The following SFXN5 variants were observed in gnomAD, a reference collection of about 807,000 sequenced individuals.
SFXN5 encodes sideroflexin-5.
A neutral mutation model predicts 50.2 loss-of-function variants in SFXN5; 43 were observed. The ratio of observed to expected loss-of-function variants is 0.86; its 90% confidence interval spans 0.67 to 1.11. The LOEUF is 1.11. Ranked by LOEUF, SFXN5 falls within the 50% of genes least tolerant of loss-of-function variation. The pLI is 0.00. For synonymous variants in SFXN5, 203 were observed against 185.8 expected, an observed-to-expected ratio of 1.09 and a Z score of -0.75; for missense variants, 463 against 454.1, an observed-to-expected ratio of 1.02 and a Z score of -0.18.
intron 9 of SFXN5, among the ~76,000 whole-genome samples, chr2:72,995,400 C>A (rs1559133580): frequency 6.6e-6 from 1 of 152,236 alleles, no homozygotes; most frequent in Non-Finnish European, 1.5e-5. Flanking sequence ...GGCTGCTAAT[C>A]CCACCCTGGT....
intron 13 of SFXN5, among the ~76,000 whole-genome samples, chr2:72,959,301 G>A (rs1024644176): frequency 1.3e-5 from 2 of 151,886 alleles, no homozygotes; most frequent in South Asian, 4.1e-4. Flanking sequence ...CTGCTCCTCC[G>A]TGCTGTCACC....
At chr2:72,963,384 G>A (rs1673982639) in intron 12 of SFXN5, among the ~76,000 whole-genome samples, 1 of 152,188 alleles carries the variant, frequency 6.6e-6, no homozygotes, top group African/African-American at 2.4e-5. Context: ...CTCTCTCAGG[G>A]TGGCTGGCTG....
At chr2:73,051,868 C>T (rs190495577) in intron 2 of SFXN5, among the ~76,000 whole-genome samples, 2 of 152,222 alleles carry the variant, frequency 1.3e-5, no homozygotes, top group East Asian at 3.9e-4. Flanking sequence ...AGGCAAGAGA[C>T]CCTAGCAGCT....
At chr2:73,040,978 C>G in intron 2 of SFXN5, 47 bp from the exon 3 acceptor site, 1 of 1,566,362 alleles carries the variant, frequency 6.4e-7, no homozygotes, top group Non-Finnish European at 8.7e-7. Flanking sequence ...ATCCAGGGCT[C>G]CCGCAAATTT....
chr2:72,999,389 G>A lies in SFXN5; in HGVS notation c.469-375C>T, dbSNP rs116541923. ...AAGGGGGCCATTTGGCATCTGGAGC[G>A]CTTTCTAGGTGGAAATGCCAGTGTC... On this transcript the variant is annotated intron_variant, in intron 8 of 13. Transcript: ENST00000272433. 8.0e-3 allele frequency among the ~76,000 whole-genome samples: 1,223 copies of A among 152,094 alleles called. 13 individuals are homozygous for A. Among genetic ancestry groups the A allele is most frequent in the Middle Eastern group, 0.02 (6 of 294 alleles).
At chr2:73,071,247 G>A (rs566503204) in intron 1 of SFXN5, 4 of 244,318 alleles carry the variant, frequency 1.6e-5, no homozygotes, top group Admixed American at 5.8e-5. Flanking sequence ...CGTCCCGGGC[G>A]GGCAGCTGCA....
Position 72,943,638 on chromosome 2 carries a change from C to T in SFXN5, c.*1384G>A, listed in dbSNP as rs1446125258. The stretch of plus-strand genomic sequence containing the variant: ...TGGCCCCACCATCAGGCCCAGGCAT[C>T]TATGTTACCTCCTCCTCCAGAACTG... On this transcript the variant is annotated 3_prime_UTR_variant, in exon 14 of 14. Transcript: ENST00000272433. 1 of 152,804 alleles carries T rather than the reference C, an allele frequency of 6.5e-6. No individual in the cohort carries two copies. Among genetic ancestry groups the T allele is most frequent in the Non-Finnish European group, 1.5e-5 (1 of 68,148 alleles). The allele number at this position is 152,804 out of a possible 1,614,324, so 9.5% of individuals were successfully genotyped here. A position where few individuals can be genotyped will look rare whatever the true frequency, so the allele number is the denominator to read the frequency against.
At chr2:73,044,341 G>A (rs11677831) in intron 2 of SFXN5, among the ~76,000 whole-genome samples, 2,116 of 152,336 alleles carry the variant, frequency 0.014, 20 homozygotes, top group Non-Finnish European at 0.022. Context: ...GCTACAGGCT[G>A]GCCTTGGACC....
At chr2:73,059,536 A>C in intron 1 of SFXN5, 2 of 985,270 alleles carry the variant, frequency 2.0e-6, no homozygotes, top group South Asian at 4.7e-5. Flanking sequence ...TTCCCTTCCC[A>C]ATAAGGACCC....
chr2:73,028,633 C>A (rs969841833), intron 3 of SFXN5, among the ~76,000 whole-genome samples: 8 of 152,122 alleles, frequency 5.3e-5, no homozygotes, highest in African/African-American at 1.9e-4. Context: ...GTTTTTTGAA[C>A]AAGGGTCTTG....
At chr2:72,983,996 T>C (rs543693894) in intron 10 of SFXN5, among the ~76,000 whole-genome samples, 4 of 152,214 alleles carry the variant, frequency 2.6e-5, no homozygotes, top group Admixed American at 6.5e-5. Flanking sequence ...GCAGCAACCA[T>C]ACGTCAATTA....
rs111931045 is a variant in SFXN5 at position 72,992,002 on chromosome 2, G to C, written c.535-3654C>G. Reference sequence around the variant, plus strand: ...TTTGGTAGATGGGGAAAACAAACAGGGTGTGGATTTTGCACAAGAATTTCT... The same window carrying C: ...TTTGGTAGATGGGGAAAACAAACAGCGTGTGGATTTTGCACAAGAATTTCT... On this transcript the variant is annotated intron_variant, in intron 9 of 13. Transcript: ENST00000272433. This position sits in a 1 kb window ranked among gnomAD's most constrained non-coding sequence, Gnocchi z 4.5. Among the ~76,000 whole-genome samples, 497 of 152,306 alleles carry C rather than the reference G, an allele frequency of 3.3e-3. 6 individuals are homozygous for C. Among genetic ancestry groups the C allele is most frequent in the African/African-American group, 9.5e-3 (394 of 41,570 alleles).
chr2:73,003,086 G>A (rs1318027199), intron 6 of SFXN5, among the ~76,000 whole-genome samples: 1 of 152,018 alleles, frequency 6.6e-6, no homozygotes, highest in Non-Finnish European at 1.5e-5. Context: ...CTCGTAGTTG[G>A]GGCCCCCAGT....
chr2:73,023,254 A>G (rs1399908729), intron 3 of SFXN5, 40 bp from the exon 4 acceptor site: 2 of 1,566,912 alleles, frequency 1.3e-6, no homozygotes, highest in Admixed American at 1.8e-5. Context: ...AAGAACAAAA[A>G]TTAAAAGCAT....
At chr2:72,975,819 G>A (rs993690184) in intron 10 of SFXN5, among the ~76,000 whole-genome samples, 9 of 152,196 alleles carry the variant, frequency 5.9e-5, no homozygotes, top group African/African-American at 2.2e-4. Context: ...TGTACATGCA[G>A]AAGATCGTCT....
intron 10 of SFXN5, among the ~76,000 whole-genome samples, chr2:72,980,299 T>C (rs1350565403): frequency 2.0e-5 from 3 of 152,224 alleles, no homozygotes; most frequent in Non-Finnish European, 4.4e-5. Context: ...CTCATGTCCC[T>C]GCCCGGGAAG....
At chr2:72,987,110 G>A (rs1288248834) in intron 10 of SFXN5, among the ~76,000 whole-genome samples, 2 of 152,004 alleles carry the variant, frequency 1.3e-5, no homozygotes, top group Admixed American at 1.3e-4. Flanking sequence ...GATGTTTTTT[G>A]GGGTTTTTTT....
At chr2:73,067,225 A>C (rs1471618399) in intron 1 of SFXN5, among the ~76,000 whole-genome samples, 1 of 152,244 alleles carries the variant, frequency 6.6e-6, no homozygotes, top group East Asian at 1.9e-4. Context: ...GACACTCTAT[A>C]AAATATCTTC....
At chr2:72,974,855 G>GAAA (rs11430620) in intron 10 of SFXN5, among the ~76,000 whole-genome samples, 35 of 143,906 alleles carry the variant, frequency 2.4e-4, no homozygotes, top group African/African-American at 4.6e-4. Flanking sequence ...GAGAGAGAGA[G>GAAA]AAAAAAAAAA....
Sources: gnomAD v4.1 joint callset for allele counts (sites outside exome capture counted in the v4.1 genomes callset) on GRCh38, gnomAD v4.1.1 for gene constraint, Gnocchi (gnomAD v3.1) non-coding constraint, MANE v1.5 for transcripts, NCBI Gene and HGNC (gene_info 2026-07-23, HGNC 2026-07-21) for gene names.